Variants in GRIA3 observed in about 807,000 individuals in gnomAD.
The protein encoded by GRIA3 is glutamate receptor 3.
In GRIA3, 3 loss-of-function variants were observed where a neutral mutation model predicts 63.0. The ratio of observed to expected loss-of-function variants is 0.05; its 90% CI spans 0.02 to 0.12. The LOEUF is 0.12. GRIA3 is among the 10% of genes least tolerant of loss of function. The pLI, the probability that GRIA3 is intolerant of heterozygous loss-of-function variation, is 1.00. For synonymous variants in GRIA3, 274 were observed against 257.9 expected, an observed-to-expected ratio of 1.06 and a Z score of -0.60; for missense variants, 347 against 700.9, an observed-to-expected ratio of 0.50 and a Z score of 5.70.
chrX:123,205,865 A>T (rs186954564), intron 2 of GRIA3, among the ~76,000 whole-genome samples: 143 of 112,010 alleles, frequency 1.3e-3, no homozygotes, highest in African/African-American at 4.6e-3. Context: ...ATATGATAAT[A>T]AAAAAGCAAG....
intron 13 of GRIA3, among the ~76,000 whole-genome samples, chrX:123,472,252 T>C (rs1006304565): frequency 3.7e-5 from 4 of 106,918 alleles, no homozygotes; most frequent in Non-Finnish European, 7.7e-5. Flanking sequence ...TTGGCACCCA[T>C]CAGATTGAAC....
At chrX:123,378,829 C>T (rs1450544527) in intron 5 of GRIA3, among the ~76,000 whole-genome samples, 10 of 111,578 alleles carry the variant, frequency 9.0e-5, no homozygotes, top group African/African-American at 2.9e-4. Flanking sequence ...TCAGCCAACT[C>T]CTGCCCTCAG....
intron 5 of GRIA3, among the ~76,000 whole-genome samples, chrX:123,362,445 A>G (rs190280698): frequency 1.1e-4 from 12 of 111,593 alleles, no homozygotes; most frequent in Non-Finnish European, 2.1e-4. Flanking sequence ...GTTCATGCAT[A>G]GGGAACAGTA....
chrX:123,350,639 A>G lies in GRIA3; in HGVS notation c.697-4271A>G, dbSNP rs756391348. Reference sequence around the variant, plus strand: ...AACTGCTCAGTGATACCCAACCCCCAGTTTCACAGATGAGTGGATATGGGG... The same window carrying G: ...AACTGCTCAGTGATACCCAACCCCCGGTTTCACAGATGAGTGGATATGGGG... On this transcript the variant is annotated intron_variant, in intron 4 of 15. Transcript: ENST00000620443. Among the ~76,000 whole-genome samples, 4 of 112,578 alleles carry G rather than the reference A, an allele frequency of 3.6e-5. No homozygotes were observed. In the East Asian group the frequency reaches 1.1e-3, roughly 31 times the overall value.
chrX:123,282,709 C>A (rs1603067248), intron 3 of GRIA3, among the ~76,000 whole-genome samples: 1 of 112,595 alleles, frequency 8.9e-6, no homozygotes, highest in African/African-American at 3.2e-5. Flanking sequence ...AGTTTTAGAT[C>A]AGTCTGGCCA....
intron 2 of GRIA3, among the ~76,000 whole-genome samples, chrX:123,192,059 G>A (rs919255927): frequency 9.0e-6 from 1 of 111,301 alleles, no homozygotes; most frequent in African/African-American, 3.3e-5. Context: ...ACAGGCCAAA[G>A]TACAAGTCTA....
At chrX:123,237,403 A>C (rs1201874928) in intron 2 of GRIA3, among the ~76,000 whole-genome samples, 3 of 111,713 alleles carry the variant, frequency 2.7e-5, no homozygotes, top group Non-Finnish European at 5.6e-5. Context: ...AAGAGTTTGG[A>C]CTATATCTGA....
At chrX:123,235,612 G>A (rs2044297730) in intron 2 of GRIA3, among the ~76,000 whole-genome samples, 1 of 111,465 alleles carries the variant, frequency 9.0e-6, no homozygotes, top group Non-Finnish European at 1.9e-5. Context: ...TGTTTAATGA[G>A]TGACAGCACA....
chrX:123,452,516 C>A (rs1006582350), intron 12 of GRIA3, among the ~76,000 whole-genome samples: 4 of 111,450 alleles, frequency 3.6e-5, no homozygotes, highest in Non-Finnish European at 7.5e-5. Flanking sequence ...CAAAACATTG[C>A]AATTTCAGGA....
intron 12 of GRIA3, among the ~76,000 whole-genome samples, chrX:123,433,752 A>G (rs1436647411): frequency 4.5e-5 from 5 of 112,202 alleles, no homozygotes; most frequent in African/African-American, 1.6e-4. Flanking sequence ...GGCAAGGCAG[A>G]AGAATTGAAC....
At chrX:123,260,418 C>CAGAA (rs1569409575) in intron 3 of GRIA3, among the ~76,000 whole-genome samples, 1 of 5,359 alleles carries the variant, frequency 1.9e-4, no homozygotes, top group African/African-American at 5.4e-4. Flanking sequence ...GACAGACAGA[C>CAGAA]AGACAGACAG....
intron 2 of GRIA3, among the ~76,000 whole-genome samples, chrX:123,252,624 AG>A (rs1349233314): frequency 9.0e-6 from 1 of 111,398 alleles, no homozygotes; most frequent in Non-Finnish European, 1.9e-5. Flanking sequence ...GGGCTAGTGG[AG>A]TCTATAAGAT....
intron 3 of GRIA3, among the ~76,000 whole-genome samples, chrX:123,279,803 A>G (rs756772115): frequency 2.7e-5 from 3 of 111,880 alleles, no homozygotes; most frequent in South Asian, 3.8e-4. Flanking sequence ...CCCTCTGCAC[A>G]TCAACAACAT....
At chrX:123,295,280 A>G (rs1219679648) in intron 3 of GRIA3, among the ~76,000 whole-genome samples, 1 of 111,958 alleles carries the variant, frequency 8.9e-6, no homozygotes, top group East Asian at 2.8e-4. Context: ...TTAAATGACT[A>G]GAAGGATAGA....
intron 7 of GRIA3, among the ~76,000 whole-genome samples, chrX:123,399,145 C>T (rs1220087589): frequency 8.9e-6 from 1 of 111,800 alleles, no homozygotes; most frequent in Non-Finnish European, 1.9e-5. Flanking sequence ...AGCTTTCAAA[C>T]ATATGACATT....
rs150393503 is a variant in GRIA3 at position 123,302,011 on chromosome X, C to T, written c.509-24015C>T. 1.5e-3 allele frequency among the ~76,000 whole-genome samples: 163 copies of T among 112,003 alleles called. 1 individual carries two copies. The highest frequency in any genetic ancestry group is 4.7e-3 in the African/African-American group (146 of 30,927). Reference sequence around the variant, plus strand: ...TCTTCTGCCTGGATAACTTCGTGACCAGACAAAAGTAAGGGATACAGGCTG... The same window carrying T: ...TCTTCTGCCTGGATAACTTCGTGACTAGACAAAAGTAAGGGATACAGGCTG... On this transcript the variant is annotated intron_variant, in intron 3 of 15. Coordinates refer to ENST00000620443, the MANE Select transcript of GRIA3 (RefSeq NM_007325.5).
intron 5 of GRIA3, among the ~76,000 whole-genome samples, chrX:123,376,183 G>T (rs2147365344): frequency 8.9e-6 from 1 of 111,984 alleles, no homozygotes; most frequent in African/African-American, 3.2e-5. Context: ...GTTGTCTGAA[G>T]AATCTAGTCT....
intron 15 of GRIA3, among the ~76,000 whole-genome samples, chrX:123,486,980 T>A (rs1238776989): frequency 9.0e-6 from 1 of 111,204 alleles, no homozygotes; most frequent in Non-Finnish European, 1.9e-5. Context: ...GATGAGGGAG[T>A]CGTTTCTCAT....
At chrX:123,204,961 A>G (rs1927846856) in intron 2 of GRIA3, among the ~76,000 whole-genome samples, 1 of 111,621 alleles carries the variant, frequency 9.0e-6, no homozygotes, top group African/African-American at 3.3e-5. Context: ...AGTTTAGTGG[A>G]TCAGGTAAGG....
Sources: allele counts gnomAD v4.1 joint callset (sites outside exome capture counted in the v4.1 genomes callset), GRCh38; gene constraint gnomAD v4.1.1; transcripts MANE v1.5; gene names NCBI Gene and HGNC (gene_info 2026-07-23, HGNC 2026-07-21).